Variants in CD109 observed in about 807,000 individuals in gnomAD.
The protein encoded by CD109 is CD109 molecule.
CD109 carries 149 observed loss-of-function variants against 165.8 expected under a neutral mutation model. That is an observed-to-expected ratio of 0.90 (90% CI 0.79 to 1.03). The LOEUF (loss-of-function observed/expected upper bound fraction) is 1.03, where lower values mean the gene tolerates loss of function less well. Among genes scored for constraint, CD109 ranks in the 50% least tolerant of loss-of-function variants. CD109 has a pLI of 0.00. For missense variants in CD109, 1,712 were observed against 1,677.8 expected, an observed-to-expected ratio of 1.02 and a Z score of -0.36; for synonymous variants, 585 against 592.1, an observed-to-expected ratio of 0.99 and a Z score of 0.18.
chr6:73,754,181 C>T (rs191499105), intron 5 of CD109, among the ~76,000 whole-genome samples: 1 of 152,244 alleles, frequency 6.6e-6, no homozygotes, highest in East Asian at 1.9e-4. Context: ...ATGGAGATGT[C>T]TGGCAGGTGG....
intron 15 of CD109, among the ~76,000 whole-genome samples, chr6:73,772,085 T>A (rs1009736920): frequency 1.3e-5 from 2 of 152,202 alleles, no homozygotes; most frequent in Admixed American, 1.3e-4. Flanking sequence ...CATACTACAT[T>A]TTAAGACACT....
At chr6:73,800,213 A>C (rs1448497361) in intron 23 of CD109, among the ~76,000 whole-genome samples, 2 of 152,126 alleles carry the variant, frequency 1.3e-5, no homozygotes, top group Non-Finnish European at 2.9e-5. Context: ...ACTATTTTAC[A>C]CTTTGCCTTT....
At chr6:73,705,061 C>G (rs1423132058) in intron 2 of CD109, among the ~76,000 whole-genome samples, 1 of 152,130 alleles carries the variant, frequency 6.6e-6, no homozygotes, top group African/African-American at 2.4e-5. Context: ...GAGGAAAGAG[C>G]TGCTGGCTGG....
chr6:73,731,002 A>C lies in CD109; in HGVS notation c.507+428A>C, dbSNP rs554162673. Among the ~76,000 whole-genome samples, 3 of 152,116 alleles carry C rather than the reference A, an allele frequency of 2.0e-5. No homozygotes were observed. The South Asian group carries it at 6.2e-4, about 32-fold the overall frequency. On this transcript the variant is annotated intron_variant, in intron 4 of 32. Transcript: ENST00000287097. ...GTATTTGTGTGTGTGTATGAGAGAG[A>C]AAAAGGGAGTGAGAGACAGAGAGTT...
In CD109 at chr6:73,730,456, C is replaced by G; in HGVS notation, c.389C>G (p.Ser130Cys). ...TRLSFETKRI[S>C]VFIQTDKALY... ...TTATCATTTGAGACCAAGAGAATAT[C>G]TGTCTTCATTCAAACAGACAAGGCC... The change falls in exon 4 of 33, where the codon TCT becomes TGT. Residue 130 changes from serine to cysteine, a missense_variant. Transcript: ENST00000287097. 3 of 1,613,252 alleles carry G rather than the reference C, an allele frequency of 1.9e-6. No homozygotes were observed. The highest frequency in any genetic ancestry group is 2.5e-6 in the Non-Finnish European group (3 of 1,179,198).
At chr6:73,805,266 C>T (rs1486538681) in intron 24 of CD109, among the ~76,000 whole-genome samples, 2 of 152,194 alleles carry the variant, frequency 1.3e-5, no homozygotes, top group Non-Finnish European at 2.9e-5. Context: ...TGTAACCTTA[C>T]CCCCAACCCT....
intron 2 of CD109, among the ~76,000 whole-genome samples, chr6:73,707,991 TATATATATATATATA>T (rs1562021886): frequency 2.0e-4 from 16 of 81,858 alleles, no homozygotes; most frequent in Admixed American, 2.8e-4. Flanking sequence ...TATATATATA[TATATATATATATATA>T]TATTTATTAT....
chr6:73,755,308 T>A lies in CD109; in HGVS notation c.634-1335T>A, dbSNP rs185099819. Among the ~76,000 whole-genome samples the A allele has an allele frequency of 1.3e-3, 195 of 152,370 alleles. 2 individuals carry two copies. The highest frequency in any genetic ancestry group is 0.011 in the Admixed American group (166 of 15,302). On this transcript the variant is annotated intron_variant, in intron 5 of 32. Coordinates refer to ENST00000287097, the MANE Select transcript of CD109 (RefSeq NM_133493.5). ...AAATTTCTTTGAGATTTTCTTTTTTTAAAACTTTTATTTTTCAACAACAGC... is the reference window on the plus strand; with the variant it reads ...AAATTTCTTTGAGATTTTCTTTTTTAAAAACTTTTATTTTTCAACAACAGC...
upstream of CD109, chr6:73,695,039 T>C (rs1461787592): frequency 6.6e-6 from 1 of 152,052 alleles, no homozygotes; most frequent in African/African-American, 2.4e-5. Context: ...ACAGTTTGTC[T>C]AGGTGCTACT....
At chr6:73,775,682 C>T (rs1469492925) in intron 15 of CD109, among the ~76,000 whole-genome samples, 1 of 152,186 alleles carries the variant, frequency 6.6e-6, no homozygotes, top group African/African-American at 2.4e-5. Flanking sequence ...ACCCTCCACC[C>T]TCTGACAATC....
At position 73,767,016 on chromosome 6, in the gene CD109, C is replaced by T; in HGVS notation, c.1497+6C>T. 1 of 1,607,522 alleles carries T rather than the reference C, an allele frequency of 6.2e-7. No individual in the cohort carries two copies. Among genetic ancestry groups the T allele is most frequent in the East Asian group, 2.2e-5 (1 of 44,796 alleles). On this transcript the variant is annotated splice_donor_region_variant and intron_variant, in intron 13 of 32. Coordinates refer to ENST00000287097, the MANE Select transcript of CD109 (RefSeq NM_133493.5). ...TGAAGGAGTTAAGCTATATGGTAAT[C>T]TCTTATAGAATCTAAATTTATGATC...
At position 73,787,406 on chromosome 6, in the gene CD109, T is replaced by C; in HGVS notation, c.2510T>C (p.Leu837Pro). Residue 837 changes from leucine to proline, a missense_variant, in exon 21 of 33, where the codon CTT becomes CCT. Coordinates refer to ENST00000287097, the MANE Select transcript of CD109 (RefSeq NM_133493.5). ...GAAATTCCTATCACAGTCACAGCTC[T>C]TTCACCCACTGCTTCTGATGCTGTC... is the stretch of plus-strand genomic sequence containing the variant. ...LGEIPITVTA[L>P]SPTASDAVTQ... The C allele has an allele frequency of 1.9e-6, 3 of 1,614,012 alleles. No homozygotes were observed. Among genetic ancestry groups the C allele is most frequent in the Non-Finnish European group, 2.5e-6 (3 of 1,179,916 alleles).
chr6:73,791,255 T>A (rs1774955752), intron 22 of CD109, among the ~76,000 whole-genome samples: 1 of 120,060 alleles, frequency 8.3e-6, no homozygotes, highest in African/African-American at 3.4e-5. Flanking sequence ...TTTAGCTATG[T>A]TTGCCCCAGG....
At chr6:73,755,196 A>G (rs1232983579) in intron 5 of CD109, among the ~76,000 whole-genome samples, 1 of 152,256 alleles carries the variant, frequency 6.6e-6, no homozygotes, top group East Asian at 1.9e-4. Flanking sequence ...AAATACGTGT[A>G]ATTTATAATG....
At chr6:73,792,055 G>A (rs1175605892) in intron 22 of CD109, among the ~76,000 whole-genome samples, 1 of 152,158 alleles carries the variant, frequency 6.6e-6, no homozygotes, top group Non-Finnish European at 1.5e-5. Context: ...GGTTTTTAAA[G>A]CATGTGTTTT....
chr6:73,818,687 T>G, intron 31 of CD109, 152 bp downstream of exon 31: 1 of 687,204 alleles, frequency 1.5e-6, no homozygotes, highest in Admixed American at 3.3e-5. Context: ...TATATTTATC[T>G]CCATTAGAAA....
At chr6:73,791,180 C>CATATATATATATAT (rs1562071040) in intron 22 of CD109, among the ~76,000 whole-genome samples, 24 of 49,782 alleles carry the variant, frequency 4.8e-4, no homozygotes, top group African/African-American at 2.2e-3. Flanking sequence ...TATATATACA[C>CATATATATATATAT]ACACACACAT....
At position 73,821,361 on chromosome 6, in the gene CD109, C is replaced by T. The variant is rs142718862; in HGVS notation, c.4162+798C>T. Among the ~76,000 whole-genome samples the T allele has an allele frequency of 5.6e-3, 846 of 152,218 alleles. 20 individuals carry two copies. The South Asian group carries it at 0.069, about 12-fold the overall frequency. On this transcript the variant is annotated intron_variant, in intron 32 of 32. Transcript: ENST00000287097. ...GAGCTACCATTTGACCCCACAATCC[C>T]GTTACTGGATATATACCCAAAGGAC...
chr6:73,712,608 A>G (rs1288098101), intron 2 of CD109, among the ~76,000 whole-genome samples: 3 of 152,184 alleles, frequency 2.0e-5, no homozygotes, highest in Non-Finnish European at 4.4e-5. Flanking sequence ...GGTATTACAG[A>G]GTATGTTTAA....
Sources: allele counts gnomAD v4.1 joint callset (sites outside exome capture counted in the v4.1 genomes callset), GRCh38; gene constraint gnomAD v4.1.1; transcripts MANE v1.5; gene names NCBI Gene and HGNC (gene_info 2026-07-23, HGNC 2026-07-21).